The following SLC2A9 variants were observed in gnomAD, a reference collection of about 807,000 sequenced individuals.
The protein encoded by SLC2A9 is solute carrier family 2, facilitated glucose transporter member 9.
SLC2A9 carries 39 observed loss-of-function variants against 50.6 expected under a neutral mutation model. That is an observed-to-expected ratio of 0.77 (90% confidence interval 0.60 to 1.01). The LOEUF (loss-of-function observed/expected upper bound fraction) is 1.01, where lower values mean the gene tolerates loss of function less well. Among genes scored for constraint, SLC2A9 ranks in the 50% least tolerant of loss-of-function variants. SLC2A9 has a pLI of 0.00. For synonymous variants in SLC2A9, 324 were observed against 276.9 expected (o/e 1.17, Z -1.69); for missense variants, 686 against 677.6 (o/e 1.01, Z -0.14).
chr4:9,790,803 G>A (rs1719822280), intron 3 of SLC2A9, among the ~76,000 whole-genome samples: 1 of 152,154 alleles, frequency 6.6e-6, no homozygotes, highest in African/African-American at 2.4e-5. Context: ...AATGTATATA[G>A]CCACAATCGA....
At chr4:10,009,338 G>T in intron 2 of SLC2A9, 1 of 152,328 alleles carries the variant, frequency 6.6e-6, no homozygotes. Flanking sequence ...ACCAGAACTT[G>T]CTTTTGGGTT....
intron 6 of SLC2A9, among the ~76,000 whole-genome samples, chr4:9,928,173 A>G (rs1362413554): frequency 6.6e-6 from 1 of 152,224 alleles, no homozygotes; most frequent in Non-Finnish European, 1.5e-5. Flanking sequence ...TCCCACACAA[A>G]GAAAGACAGG....
At chr4:9,866,790 T>TAGCACCC (rs1732556069) in intron 10 of SLC2A9, among the ~76,000 whole-genome samples, 1 of 152,308 alleles carries the variant, frequency 6.6e-6, no homozygotes, top group African/African-American at 2.4e-5. Flanking sequence ...TCACAGCACC[T>TAGCACCC]AGCACCCATT....
At position 9,842,944 on chromosome 4, in the gene SLC2A9, G is replaced by A. The variant is rs569643832; in HGVS notation, c.1292-7936C>T. Among the ~76,000 whole-genome samples, 6 of 152,240 alleles carry A rather than the reference G, an allele frequency of 3.9e-5. No individual in the cohort carries two copies. The East Asian group carries it at 1.2e-3, about 29-fold the overall frequency. On this transcript the variant is annotated intron_variant, in intron 10 of 11. Coordinates refer to ENST00000264784, the MANE Select transcript of SLC2A9 (RefSeq NM_020041.3). The stretch of plus-strand genomic sequence containing the variant: ...GGTGAAAGAGGTGGATAAGGGCTAT[G>A]TTATTAGCAACACCACCATGGGAAG...
At chr4:9,997,374 T>C (rs1400102347) in intron 2 of SLC2A9, among the ~76,000 whole-genome samples, 1 of 152,082 alleles carries the variant, frequency 6.6e-6, no homozygotes, top group Non-Finnish European at 1.5e-5. Flanking sequence ...CCAATTCTAG[T>C]GCACCGCAGC....
At position 9,937,478 on chromosome 4, in the gene SLC2A9, C is replaced by T. The variant is rs539231457; in HGVS notation, c.814+4435G>A. Among the ~76,000 whole-genome samples, 30 of 152,288 alleles carry T rather than the reference C, an allele frequency of 2.0e-4. No individual in the cohort carries two copies. In the South Asian group the frequency reaches 6.0e-3, roughly 31 times the overall value. ...CTCAGAGGCCACCTATCTTGGCTCACATCTTAGAAATGAAACAGAGTAACA... is the reference window on the plus strand; with the variant it reads ...CTCAGAGGCCACCTATCTTGGCTCATATCTTAGAAATGAAACAGAGTAACA... On this transcript the variant is annotated intron_variant, in intron 6 of 11. Transcript: ENST00000264784.
chr4:9,865,036 G>C (rs530229611), intron 10 of SLC2A9, among the ~76,000 whole-genome samples: 22 of 152,348 alleles, frequency 1.4e-4, no homozygotes, highest in African/African-American at 5.1e-4. Context: ...CACAAGGTTT[G>C]AGACCAACTT....
chr4:10,020,791 T>A (rs1489346035), intron 1 of SLC2A9, among the ~76,000 whole-genome samples: 1 of 152,102 alleles, frequency 6.6e-6, no homozygotes, highest in Non-Finnish European at 1.5e-5. Context: ...GAGCACCTGG[T>A]GTGAAGTGCC....
At chr4:9,955,210 CGGCCGGGCGCG>C (rs1751016801) in intron 5 of SLC2A9, among the ~76,000 whole-genome samples, 1 of 116,766 alleles carries the variant, frequency 8.6e-6, no homozygotes. Context: ...AACTCCAAGT[CGGCCGGGCGCG>C]GTGGCTCACG....
rs189067468 is a variant in SLC2A9, at chr4:9,978,780, A to T, written c.681+1812T>A. ...TAACCCAGAATGGTCATAATAAAAG[A>T]TCAGAAGCAGATGCCTCTGAGGTGA... On this transcript the variant is annotated intron_variant, in intron 5 of 11. Coordinates refer to ENST00000264784, the MANE Select transcript of SLC2A9 (RefSeq NM_020041.3). 7.9e-5 allele frequency among the ~76,000 whole-genome samples: 12 copies of T among 152,362 alleles called. No individual in the cohort carries two copies. The East Asian group carries it at 2.3e-3, about 29-fold the overall frequency.
chr4:9,775,803 T>C (rs1717476263), downstream of SLC2A9, among the ~76,000 whole-genome samples: 1 of 152,214 alleles, frequency 6.6e-6, no homozygotes, highest in Non-Finnish European at 1.5e-5. Context: ...TCTTTATAAA[T>C]TACCTTGTCT....
chr4:9,789,801 A>G (rs868583995), intron 3 of SLC2A9, among the ~76,000 whole-genome samples: 2 of 152,230 alleles, frequency 1.3e-5, no homozygotes, highest in Admixed American at 6.5e-5. Context: ...CATTTGTGGG[A>G]TATTAATAAT....
At position 9,814,969 on chromosome 4, in the gene SLC2A9, C is replaced by A. The variant is rs1723375612; in HGVS notation, n.420+11451G>T. Among the ~76,000 whole-genome samples, 3 of 151,790 alleles carry A rather than the reference C, an allele frequency of 2.0e-5. No individual in the cohort carries two copies. The South Asian group carries it at 6.3e-4, about 32-fold the overall frequency. On this transcript the variant is annotated intron_variant and non_coding_transcript_variant, in intron 3 of 3. Coordinates refer to the SLC2A9 transcript ENST00000503280. ...GGTACATGCAGGTAGGGAAACAGAT[C>A]AGAGTCATCACTCTGGAGACAGAGA... is the stretch of plus-strand genomic sequence containing the variant.
At chr4:9,780,057 A>C (rs1416375178) in exon 4 of SLC2A9, 2 of 152,264 alleles carry the variant, frequency 1.3e-5, no homozygotes, top group South Asian at 2.1e-4. Flanking sequence ...AAAGGAGAAG[A>C]AGCAGGAGCT....
chr4:9,957,899 A>G (rs1318512060), intron 5 of SLC2A9, among the ~76,000 whole-genome samples: 2 of 152,232 alleles, frequency 1.3e-5, no homozygotes, highest in Non-Finnish European at 2.9e-5. Context: ...AAGAAGTAAC[A>G]TAATGATCTA....
intron 10 of SLC2A9, among the ~76,000 whole-genome samples, chr4:9,871,332 T>A (rs1225203089): frequency 6.6e-6 from 1 of 152,114 alleles, no homozygotes; most frequent in East Asian, 1.9e-4. Flanking sequence ...ACCACAAACA[T>A]GGGGTCTTAG....
At chr4:9,912,380 T>C (rs1314314668) in intron 7 of SLC2A9, among the ~76,000 whole-genome samples, 1 of 152,106 alleles carries the variant, frequency 6.6e-6, no homozygotes, top group Non-Finnish European at 1.5e-5. Context: ...TCAGCCTCCT[T>C]CTTGTGGGAT....
intron 2 of SLC2A9, among the ~76,000 whole-genome samples, chr4:10,001,728 G>T (rs993471540): frequency 1.4e-4 from 21 of 152,152 alleles, no homozygotes; most frequent in African/African-American, 5.1e-4. Context: ...TTTCTTAGTG[G>T]CTGGACATTT....
chr4:10,018,699 C>T (rs191348192), intron 2 of SLC2A9, among the ~76,000 whole-genome samples: 1 of 152,106 alleles, frequency 6.6e-6, no homozygotes, highest in Non-Finnish European at 1.5e-5. Flanking sequence ...CACCCCACCC[C>T]GGGACTTCCG....
Sources: allele counts gnomAD v4.1 joint callset (sites outside exome capture counted in the v4.1 genomes callset), GRCh38; gene constraint gnomAD v4.1.1; transcripts MANE v1.5; gene names NCBI Gene and HGNC (gene_info 2026-07-23, HGNC 2026-07-21).